Variants in RIC1 observed in about 807,000 individuals in gnomAD.
RIC1 encodes RIC1 partner of RAB6A GEF complex.
RIC1 carries 88 observed loss-of-function variants against 169.0 expected under a neutral mutation model. The ratio of observed to expected loss-of-function variants is 0.52; its 90% CI spans 0.44 to 0.62. The LOEUF is 0.62. Ranked by LOEUF, RIC1 falls within the 20% of genes least tolerant of loss-of-function variation. The pLI, the probability that RIC1 is intolerant of heterozygous loss-of-function variation, is 0.00. For synonymous variants in RIC1, 790 were observed against 601.5 expected (o/e 1.31, Z -4.59); for missense variants, 1,877 against 1,725.5 (o/e 1.09, Z -1.56).
intron 2 of RIC1, among the ~76,000 whole-genome samples, chr9:5,668,409 G>C (rs1357412525): frequency 1.3e-5 from 2 of 152,154 alleles, no homozygotes; most frequent in Non-Finnish European, 2.9e-5. Flanking sequence ...GTGGGTCTCT[G>C]AGTTTATCCT....
chr9:5,678,676 C>A (rs1464237742), intron 2 of RIC1, among the ~76,000 whole-genome samples: 1 of 152,142 alleles, frequency 6.6e-6, no homozygotes, highest in Non-Finnish European at 1.5e-5. Context: ...GTATCTTTCG[C>A]CCACTTTTTG....
Position 5,770,294 on chromosome 9 carries a change from A to T in RIC1, c.3616+16A>T. On this transcript the variant is annotated intron_variant, in intron 23 of 25. Coordinates refer to ENST00000414202, the MANE Select transcript of RIC1 (RefSeq NM_020829.4). ...TCTAATAAAGGTAAATGTAATTTTAAATCCTAGCTCTTCAGTTCCTTTGAA... is the reference window on the plus strand; with the variant it reads ...TCTAATAAAGGTAAATGTAATTTTATATCCTAGCTCTTCAGTTCCTTTGAA... 6.2e-7 allele frequency: 1 copy of T among 1,604,616 alleles called. No individual in the cohort carries two copies. The highest frequency in any genetic ancestry group is 8.5e-7 in the Non-Finnish European group (1 of 1,173,540).
intron 3 of RIC1, among the ~76,000 whole-genome samples, chr9:5,696,240 C>T (rs1346711478): frequency 6.6e-6 from 1 of 151,994 alleles, no homozygotes; most frequent in African/African-American, 2.4e-5. Context: ...TGAAGTTTAT[C>T]ATTTGCATTG....
chr9:5,632,990 A>C (rs1335603034), intron 1 of RIC1, among the ~76,000 whole-genome samples: 4 of 152,218 alleles, frequency 2.6e-5, no homozygotes, highest in African/African-American at 9.6e-5. Flanking sequence ...ATGTGTATAA[A>C]AGGGATGAAG....
At chr9:5,698,763 G>C (rs781772272) in intron 3 of RIC1, among the ~76,000 whole-genome samples, 12 of 152,140 alleles carry the variant, frequency 7.9e-5, no homozygotes, top group Admixed American at 7.2e-4. Context: ...TGAGTGATTA[G>C]ATTCTTAATA....
chr9:5,736,011 A>G (rs943652826), intron 7 of RIC1, among the ~76,000 whole-genome samples: 4 of 152,226 alleles, frequency 2.6e-5, no homozygotes, highest in South Asian at 4.1e-4. Context: ...CTGGTGAGAA[A>G]TGGAAGGAAA....
intron 1 of RIC1, among the ~76,000 whole-genome samples, chr9:5,645,747 A>G (rs1818475973): frequency 6.6e-6 from 1 of 152,172 alleles, no homozygotes; most frequent in African/African-American, 2.4e-5. Flanking sequence ...CTTAAGGCTG[A>G]ATGATACTCC....
chr9:5,724,790 C>G (rs1287956761), intron 6 of RIC1, among the ~76,000 whole-genome samples: 7 of 152,094 alleles, frequency 4.6e-5, no homozygotes, highest in Non-Finnish European at 1.0e-4. Context: ...TTGTCAAAGG[C>G]CTTTTCTGCA....
rs1586745007 is a variant in RIC1 at position 5,776,262 on chromosome 9, G to A, written c.*2016G>A. The A allele has an allele frequency of 1.3e-5, 2 of 152,090 alleles. No homozygotes were observed. The highest frequency in any genetic ancestry group is 1.5e-5 in the Non-Finnish European group (1 of 67,972). 9.4% of individuals were successfully genotyped at this position (152,090 alleles called of 1,614,324 possible). On this transcript the variant is annotated 3_prime_UTR_variant, in exon 26 of 26. Coordinates refer to ENST00000414202, the MANE Select transcript of RIC1 (RefSeq NM_020829.4). ...AGGCAAGAAGTTTGGCAGGTTTACA[G>A]AAAATTTGGTAATTTATTTGTTATA...
intron 17 of RIC1, among the ~76,000 whole-genome samples, chr9:5,760,749 T>C (rs1826277816): frequency 6.6e-6 from 1 of 152,220 alleles, no homozygotes; most frequent in South Asian, 2.1e-4. Context: ...TCTTTATACA[T>C]AATCCCCTGT....
intron 3 of RIC1, among the ~76,000 whole-genome samples, chr9:5,696,449 C>G (rs975673631): frequency 2.0e-5 from 3 of 152,076 alleles, no homozygotes; most frequent in Admixed American, 2.0e-4. Context: ...GGTTTTCAAG[C>G]TCAGGTCAGA....
chr9:5,739,482 A>G (rs1384975058), intron 8 of RIC1, among the ~76,000 whole-genome samples: 1 of 152,112 alleles, frequency 6.6e-6, no homozygotes, highest in African/African-American at 2.4e-5. Flanking sequence ...TAGAAAACTC[A>G]AGCAGTTCCC....
intron 1 of RIC1, among the ~76,000 whole-genome samples, chr9:5,633,711 C>T (rs537894916): frequency 3.3e-5 from 5 of 152,266 alleles, no homozygotes; most frequent in Admixed American, 2.0e-4. Flanking sequence ...ACACAGCTCC[C>T]TCTTTTTTTG....
intron 1 of RIC1, among the ~76,000 whole-genome samples, chr9:5,645,806 G>A (rs1586872537): frequency 6.6e-6 from 1 of 152,274 alleles, no homozygotes; most frequent in East Asian, 1.9e-4. Context: ...ATCTGTTGAT[G>A]GACACATGGG....
chr9:5,717,222 A>G (rs1451831335), intron 4 of RIC1, among the ~76,000 whole-genome samples: 1 of 152,060 alleles, frequency 6.6e-6, no homozygotes, highest in Non-Finnish European at 1.5e-5. Flanking sequence ...CATGTTATAG[A>G]GATTATGAAC....
At position 5,763,186 on chromosome 9, in the gene RIC1, T is replaced by A. The variant is rs776525360; in HGVS notation, c.2159T>A (p.Val720Asp). 2 of 1,614,110 alleles carry A rather than the reference T, an allele frequency of 1.2e-6. No homozygotes were observed. The highest frequency in any genetic ancestry group is 8.5e-7 in the Non-Finnish European group (1 of 1,179,986). The change falls in exon 19 of 26, where the codon GTC becomes GAC. Residue 720 changes from valine (V) to aspartate (D), a missense_variant. Transcript: ENST00000414202. The surrounding 1 kb of genome is among the most constrained non-coding windows in gnomAD (Gnocchi z 5.2). ...GTACTAGCCCAGTCTGTTGAAAATG[T>A]CTGGACAACGTGTCGAGCAAATAAA... ...PVVLAQSVENVWTTCRANKQK... is the reference protein window; with the variant it reads ...PVVLAQSVENDWTTCRANKQK...
intron 12 of RIC1, among the ~76,000 whole-genome samples, chr9:5,752,504 G>A (rs1825780763): frequency 6.6e-6 from 1 of 151,092 alleles, no homozygotes; most frequent in Admixed American, 6.6e-5. Context: ...GCAGTGGCGC[G>A]ATCCTGGCTC....
Position 5,723,872 on chromosome 9 carries a change from T to G in RIC1, c.720+3122T>G, listed in dbSNP as rs1242392524. Among the ~76,000 whole-genome samples the G allele has an allele frequency of 4.6e-5, 7 of 152,210 alleles. No individual in the cohort carries two copies. In the East Asian group the frequency reaches 1.3e-3, roughly 29 times the overall value. Reference sequence around the variant, plus strand: ...TTGTCAAAGATCAGATGGTTGTAGATGTGTGGTATTATTTCTGAGGGCTCT... The same window carrying G: ...TTGTCAAAGATCAGATGGTTGTAGAGGTGTGGTATTATTTCTGAGGGCTCT... On this transcript the variant is annotated intron_variant, in intron 6 of 25. Transcript: ENST00000414202.
rs1826485139 is a variant in RIC1, at chr9:5,763,706, G to A, written c.2679G>A (p.Glu893=). Residue 893 remains glutamate, a synonymous_variant, in exon 19 of 26, where the codon GAG becomes GAA. Coordinates refer to ENST00000414202, the MANE Select transcript of RIC1 (RefSeq NM_020829.4). The surrounding 1 kb of genome is among the most constrained non-coding windows in gnomAD (Gnocchi z 5.2). ...LLPTVAKFIT[E]FPLFLQTVVH... ...CCACTGTGGCAAAATTTATCACTGA[G>A]TTCCCCCTCTTCCTGCAGACAGTTG... 2 of 1,614,150 alleles carry A rather than the reference G, an allele frequency of 1.2e-6. No homozygotes were observed. Among genetic ancestry groups the A allele is most frequent in the Non-Finnish European group, 1.7e-6 (2 of 1,180,030 alleles).
Sources: allele counts gnomAD v4.1 joint callset (sites outside exome capture counted in the v4.1 genomes callset), GRCh38; gene constraint gnomAD v4.1.1; non-coding constraint Gnocchi (gnomAD v3.1); transcripts MANE v1.5; gene names NCBI Gene and HGNC (gene_info 2026-07-23, HGNC 2026-07-21).